SNX13: variants seen among roughly 807,000 people sequenced by gnomAD.
SNX13 encodes the protein sorting nexin-13.
In SNX13, 45 loss-of-function variants were observed where a neutral mutation model predicts 133.6. The ratio of observed to expected loss-of-function variants is 0.34; its 90% CI spans 0.27 to 0.43. The LOEUF (loss-of-function observed/expected upper bound fraction) is 0.43, where lower values mean the gene tolerates loss of function less well. Among genes scored for constraint, SNX13 ranks in the 20% least tolerant of loss-of-function variants. SNX13 has a pLI of 1.00. For missense variants in SNX13, 1,032 were observed against 1,145.1 expected, an observed-to-expected ratio of 0.90 and a Z score of 1.43; for synonymous variants, 414 against 373.9, an observed-to-expected ratio of 1.11 and a Z score of -1.24.
At chr7:17,807,568 G>C (rs546188605) in intron 20 of SNX13, among the ~76,000 whole-genome samples, 1 of 152,226 alleles carries the variant, frequency 6.6e-6, no homozygotes, top group African/African-American at 2.4e-5. Flanking sequence ...CCTGCCTGCT[G>C]GCTCTGAAGA....
intron 3 of SNX13, among the ~76,000 whole-genome samples, 172 bp from the exon 4 acceptor site, chr7:17,891,807 T>C (rs1796659287): frequency 6.6e-6 from 1 of 152,052 alleles, no homozygotes; most frequent in Non-Finnish European, 1.5e-5. Flanking sequence ...TTAACAAAAT[T>C]AGACACTCCC....
chr7:17,815,922 A>T (rs1786603259), intron 19 of SNX13, among the ~76,000 whole-genome samples: 1 of 152,236 alleles, frequency 6.6e-6, no homozygotes, highest in East Asian at 1.9e-4. Flanking sequence ...AAGACAGGCA[A>T]GTGCATTTAT....
At position 17,803,636 on chromosome 7, in the gene SNX13, A is replaced by T. The variant is rs1353470896; in HGVS notation, c.2065-56T>A. On this transcript the variant is annotated intron_variant, in intron 20 of 25. Coordinates refer to ENST00000428135, the MANE Select transcript of SNX13 (RefSeq NM_015132.5). ...TTTATTGTACCAGAGTTGTTATCCA[A>T]ATGACAAGCCTTGGAAAATATAGAG... 4 of 1,475,072 alleles carry T rather than the reference A, an allele frequency of 2.7e-6. No homozygotes were observed. The African/African-American group carries it at 5.6e-5, about 21-fold the overall frequency. The allele number at this position is 1,475,072 out of a possible 1,614,324, so 91.4% of individuals were successfully genotyped here.
chr7:17,886,325 T>C (rs1354102919), intron 5 of SNX13, among the ~76,000 whole-genome samples: 1 of 152,082 alleles, frequency 6.6e-6, no homozygotes, highest in Non-Finnish European at 1.5e-5. Flanking sequence ...ATCCCAGCAC[T>C]TTGGGAGGCT....
intron 1 of SNX13, among the ~76,000 whole-genome samples, chr7:17,928,038 T>G (rs555826059): frequency 6.6e-6 from 1 of 152,296 alleles, no homozygotes; most frequent in Admixed American, 6.5e-5. Context: ...ATTTACAAGT[T>G]TTGACTTCTG....
At chr7:17,857,051 G>A (rs908382082) in intron 9 of SNX13, among the ~76,000 whole-genome samples, 6 of 151,872 alleles carry the variant, frequency 4.0e-5, no homozygotes, top group African/African-American at 9.7e-5. Flanking sequence ...GATGAAAATG[G>A]ATATACTACA....
At chr7:17,928,839 G>A (rs777314421) in intron 1 of SNX13, among the ~76,000 whole-genome samples, 9 of 152,174 alleles carry the variant, frequency 5.9e-5, no homozygotes, top group Middle Eastern at 6.8e-3. Context: ...GATTAATAGT[G>A]TTCATTTAAG....
intron 12 of SNX13, among the ~76,000 whole-genome samples, chr7:17,844,416 A>T (rs1562752689): frequency 6.6e-6 from 1 of 152,092 alleles, no homozygotes; most frequent in East Asian, 1.9e-4. Flanking sequence ...GTAACCAAAA[A>T]TCGTCAATAA....
chr7:17,909,697 C>T (rs1798759278), intron 1 of SNX13, among the ~76,000 whole-genome samples: 1 of 151,980 alleles, frequency 6.6e-6, no homozygotes, highest in South Asian at 2.1e-4. Context: ...GAAAAATACA[C>T]ACTGGCACCT....
chr7:17,852,191 T>C (rs1326242356), intron 9 of SNX13, among the ~76,000 whole-genome samples: 1 of 152,148 alleles, frequency 6.6e-6, no homozygotes, highest in African/African-American at 2.4e-5. Context: ...CTGGCCAACA[T>C]GGTGAAACCC....
At chr7:17,935,632 A>T (rs1801928366) in intron 1 of SNX13, among the ~76,000 whole-genome samples, 1 of 152,250 alleles carries the variant, frequency 6.6e-6, no homozygotes, top group Admixed American at 6.5e-5. Flanking sequence ...ATATTTAAAA[A>T]GAAAAAATTC....
chr7:17,872,128 C>T (rs780416286), intron 8 of SNX13, among the ~76,000 whole-genome samples: 10 of 152,144 alleles, frequency 6.6e-5, no homozygotes, highest in Non-Finnish European at 5.9e-5. Context: ...AAATTTCAAA[C>T]GCATTAGCAT....
rs1691379494 is a variant in SNX13 at position 17,869,894 on chromosome 7, AC to A, written c.754-1405del. The stretch of plus-strand genomic sequence containing the variant: ...CACACACACAGACACACACACACAC[AC>A]ACACACACTTTTTCCAATGCTTCTT... On this transcript the variant is annotated intron_variant, in intron 8 of 25. Coordinates refer to ENST00000428135, the MANE Select transcript of SNX13 (RefSeq NM_015132.5). Among the ~76,000 whole-genome samples the A allele has an allele frequency of 2.6e-5, 4 of 152,200 alleles. No individual in the cohort carries two copies. In the South Asian group the frequency reaches 8.3e-4, roughly 32 times the overall value.
At chr7:17,804,347 AAATAACT>A (rs1784951889) in intron 20 of SNX13, among the ~76,000 whole-genome samples, 1 of 152,218 alleles carries the variant, frequency 6.6e-6, no homozygotes, top group Non-Finnish European at 1.5e-5. Flanking sequence ...CAGAAAACTG[AAATAACT>A]AATAAGTATT....
At chr7:17,870,027 C>T (rs1180858548) in intron 8 of SNX13, among the ~76,000 whole-genome samples, 1 of 152,048 alleles carries the variant, frequency 6.6e-6, no homozygotes, top group Non-Finnish European at 1.5e-5. Flanking sequence ...TAATCTGTCA[C>T]ATTAAAGGGT....
chr7:17,876,248 C>T (rs1794709944), intron 5 of SNX13, among the ~76,000 whole-genome samples: 1 of 152,186 alleles, frequency 6.6e-6, no homozygotes, highest in Non-Finnish European at 1.5e-5. Flanking sequence ...CTATGCAACA[C>T]ATGTTCTGAA....
rs1486938134 is a variant in SNX13, at chr7:17,830,153, C to T, written c.1598-106G>A. On this transcript the variant is annotated intron_variant, in intron 15 of 25. Coordinates refer to ENST00000428135, the MANE Select transcript of SNX13 (RefSeq NM_015132.5). The stretch of plus-strand genomic sequence containing the variant: ...GAAAGTCACATAAGCCAAGATATAA[C>T]ATAATAGTAAAAAAAAAAAAAAAAA... 9.3e-6 allele frequency: 4 copies of T among 430,320 alleles called. No homozygotes were observed. In the African/African-American group the frequency reaches 1.6e-4, roughly 18 times the overall value. The allele number at this position is 430,320 out of a possible 1,614,324, so 26.7% of individuals were successfully genotyped here.
chr7:17,938,984 T>G (rs1263377059), intron 1 of SNX13, among the ~76,000 whole-genome samples: 2 of 152,196 alleles, frequency 1.3e-5, no homozygotes, highest in African/African-American at 4.8e-5. Context: ...GAAAAATCTG[T>G]AGAATTTAGA....
In SNX13 at chr7:17,793,306, A is replaced by C. The variant is rs900804148; in HGVS notation, c.*739T>G. 1.3e-5 allele frequency: 2 copies of C among 152,324 alleles called. No individual in the cohort carries two copies. The highest frequency in any genetic ancestry group is 4.8e-5 in the African/African-American group (2 of 41,420). The allele number at this position is 152,324 out of a possible 1,614,324, so 9.4% of individuals were successfully genotyped here. The stretch of plus-strand genomic sequence containing the variant: ...AGCCACCACATGCTTCTTTTTGCAC[A>C]AAGAATGCCAAAAGGAAACATAAAA... On this transcript the variant is annotated 3_prime_UTR_variant, in exon 26 of 26. Coordinates refer to ENST00000428135, the MANE Select transcript of SNX13 (RefSeq NM_015132.5).
Sources: allele counts gnomAD v4.1 joint callset (sites outside exome capture counted in the v4.1 genomes callset), GRCh38; gene constraint gnomAD v4.1.1; transcripts MANE v1.5; gene names NCBI Gene and HGNC (gene_info 2026-07-23, HGNC 2026-07-21).